Variants in PRRX2 observed in about 807,000 individuals in gnomAD.
The protein encoded by PRRX2 is paired mesoderm homeobox protein 2.
A neutral mutation model predicts 18.0 loss-of-function variants in PRRX2; 11 were observed. The observed-to-expected ratio is 0.61, with a 90% confidence interval of 0.39 to 1.01. PRRX2 has a LOEUF of 1.01. Among genes scored for constraint, PRRX2 ranks in the 50% least tolerant of loss-of-function variants. The probability of loss-of-function intolerance (pLI) is 0.01; values close to 1 mark genes in which losing one functional copy is unlikely to be tolerated. For synonymous variants in PRRX2, 177 were observed against 154.8 expected, an observed-to-expected ratio of 1.14 and a Z score of -1.06; for missense variants, 387 against 351.0, an observed-to-expected ratio of 1.10 and a Z score of -0.82.
intron 1 of PRRX2, among the ~76,000 whole-genome samples, chr9:129,673,801 C>A (rs368733213): frequency 2.0e-5 from 3 of 152,194 alleles, no homozygotes; most frequent in African/African-American, 7.2e-5. Context: ...TGCACCTGTG[C>A]GGGCCAAGGG....
rs1461863972 is a variant in PRRX2, at chr9:129,695,431, C to T, written c.260-23800C>T. 6.6e-6 allele frequency among the ~76,000 whole-genome samples: 1 copy of T among 152,200 alleles called. No individual in the cohort carries two copies. Among genetic ancestry groups the T allele is most frequent in the East Asian group, 1.9e-4 (1 of 5,192 alleles). On this transcript the variant is annotated intron_variant, in intron 1 of 3. Transcript: ENST00000372469. The surrounding 1 kb of genome is among the most constrained non-coding windows in gnomAD (Gnocchi z 4.8). ...GAAGAATCAGCTTCCCTCCAAATTCCCGGTCTCTTGCTCTGGGCTTTACTT... is the reference window on the plus strand; with the variant it reads ...GAAGAATCAGCTTCCCTCCAAATTCTCGGTCTCTTGCTCTGGGCTTTACTT...
chr9:129,667,599 G>T (rs1365868446), intron 1 of PRRX2, among the ~76,000 whole-genome samples: 1 of 152,018 alleles, frequency 6.6e-6, no homozygotes, highest in South Asian at 2.1e-4. Context: ...AAGGAAGGGA[G>T]AGGAGAGAGG....
chr9:129,680,140 G>A (rs546878012), intron 1 of PRRX2, among the ~76,000 whole-genome samples: 1 of 152,240 alleles, frequency 6.6e-6, no homozygotes, highest in African/African-American at 2.4e-5. Context: ...GGTGGCTCAT[G>A]CCTGTAATCT....
At chr9:129,668,247 G>T (rs1331042532) in intron 1 of PRRX2, among the ~76,000 whole-genome samples, 1 of 152,210 alleles carries the variant, frequency 6.6e-6, no homozygotes, top group African/African-American at 2.4e-5. Flanking sequence ...AGTCCTGAAG[G>T]CTCCAAAGGT....
Position 129,694,654 on chromosome 9 carries a change from A to G in PRRX2, c.260-24577A>G, listed in dbSNP as rs574374552. Among the ~76,000 whole-genome samples, 3 of 152,274 alleles carry G rather than the reference A, an allele frequency of 2.0e-5. No homozygotes were observed. In the East Asian group the frequency reaches 5.8e-4, roughly 29 times the overall value. On this transcript the variant is annotated intron_variant, in intron 1 of 3. Coordinates refer to ENST00000372469, the MANE Select transcript of PRRX2 (RefSeq NM_016307.4). ...TGGATGAGTCCCAGTTCTTCCACCA[A>G]CTGGCTGTGTGGCCTTAGAGAAGTC...
At chr9:129,719,129 G>T (rs935383203) in intron 1 of PRRX2, 102 bp from the exon 2 acceptor site, 34 of 1,139,684 alleles carry the variant, frequency 3.0e-5, no homozygotes, top group Non-Finnish European at 3.8e-5. Context: ...ATTCCTGGCG[G>T]CGGCACTAAA....
intron 1 of PRRX2, among the ~76,000 whole-genome samples, chr9:129,688,339 A>G (rs1325049419): frequency 6.6e-6 from 1 of 152,114 alleles, no homozygotes; most frequent in East Asian, 1.9e-4. Flanking sequence ...TGCTGGGATT[A>G]TAGGTGTGAG....
At position 129,722,255 on chromosome 9, in the gene PRRX2, C is replaced by T; in HGVS notation, c.665C>T (p.Ala222Val). The change falls in exon 4 of 4, where the codon GCA (alanine) becomes GTA (valine). Residue 222 changes from alanine (A) to valine (V), a missense_variant. By Grantham distance (64) the Ala-to-Val change is moderately conservative. Transcript: ENST00000372469. ...TACAGCCCTGGGAGCTCAGGCCCCG[C>T]AACCCCAGGGGTCAACATGGCCAAC... ...PPYSPGSSGP[A>V]TPGVNMANSI... The T allele has an allele frequency of 1.2e-6, 2 of 1,614,020 alleles. No homozygotes were observed. The highest frequency in any genetic ancestry group is 2.2e-5 in the South Asian group (2 of 91,080).
Position 129,709,320 on chromosome 9 carries a change from A to G in PRRX2, c.260-9911A>G, listed in dbSNP as rs1588173307. ...GGGTGAGGCTCCCGACCCCAGAGAG[A>G]CCCAGATACACCGCAACTGCCTCCA... On this transcript the variant is annotated intron_variant, in intron 1 of 3. Coordinates refer to ENST00000372469, the MANE Select transcript of PRRX2 (RefSeq NM_016307.4). This position sits in a 1 kb window ranked among gnomAD's most constrained non-coding sequence, Gnocchi z 4.2. 6.6e-6 allele frequency among the ~76,000 whole-genome samples: 1 copy of G among 152,004 alleles called. No individual in the cohort carries two copies.
chr9:129,696,921 A>T (rs1196426926), intron 1 of PRRX2, among the ~76,000 whole-genome samples: 2 of 152,166 alleles, frequency 1.3e-5, no homozygotes, highest in Non-Finnish European at 2.9e-5. Flanking sequence ...CTGGGGCCAG[A>T]GTCCGATAGA....
intron 1 of PRRX2, among the ~76,000 whole-genome samples, chr9:129,703,490 G>A (rs779983718): frequency 1.4e-4 from 21 of 152,166 alleles, no homozygotes; most frequent in Non-Finnish European, 2.5e-4. Context: ...TTTGGGGACA[G>A]AGTCTGGACA....
intron 1 of PRRX2, among the ~76,000 whole-genome samples, chr9:129,678,793 G>C (rs1227371087): frequency 6.6e-6 from 1 of 152,132 alleles, no homozygotes; most frequent in African/African-American, 2.4e-5. Context: ...GGCCCTCTCT[G>C]GGGGCGCTCT....
At chr9:129,680,468 AC>A (rs1222389125) in intron 1 of PRRX2, among the ~76,000 whole-genome samples, 4 of 90,616 alleles carry the variant, frequency 4.4e-5, no homozygotes, top group Non-Finnish European at 6.2e-5. Context: ...TCTCTCTCCC[AC>A]CCCCCCCACC....
At chr9:129,699,346 C>T (rs375148319) in intron 1 of PRRX2, among the ~76,000 whole-genome samples, 4 of 152,230 alleles carry the variant, frequency 2.6e-5, no homozygotes, top group African/African-American at 9.6e-5. Context: ...AACACTTAAA[C>T]CCAGGAGGTG....
At chr9:129,721,597 T>A (rs548213151) in intron 3 of PRRX2, among the ~76,000 whole-genome samples, 17 of 151,828 alleles carry the variant, frequency 1.1e-4, no homozygotes, top group Non-Finnish European at 2.4e-4. Flanking sequence ...TATTTATTTT[T>A]GAGACAGAGT....
intron 1 of PRRX2, among the ~76,000 whole-genome samples, chr9:129,699,782 C>T (rs116907352): frequency 0.011 from 1,728 of 152,266 alleles, 21 homozygotes; most frequent in Non-Finnish European, 0.016. Flanking sequence ...TCCTTGGGCA[C>T]CTTCAGGGCA....
intron 1 of PRRX2, among the ~76,000 whole-genome samples, chr9:129,670,569 C>T (rs567645628): frequency 6.6e-6 from 1 of 152,118 alleles, no homozygotes; most frequent in Admixed American, 6.5e-5. Flanking sequence ...GAGACAGGGT[C>T]TTGCCTTGTT....
intron 1 of PRRX2, among the ~76,000 whole-genome samples, chr9:129,668,115 G>A (rs2119045823): frequency 6.6e-6 from 1 of 152,342 alleles, no homozygotes; most frequent in Middle Eastern, 3.4e-3. Flanking sequence ...CGCCCGGGGT[G>A]TGGCCCGGAT....
chr9:129,699,438 T>A (rs1325023699), intron 1 of PRRX2, among the ~76,000 whole-genome samples: 1 of 144,590 alleles, frequency 6.9e-6, no homozygotes, highest in African/African-American at 2.6e-5. Flanking sequence ...AAAATATATA[T>A]ATGTGTGTGT....
Sources: gnomAD v4.1 joint callset for allele counts (sites outside exome capture counted in the v4.1 genomes callset) on GRCh38, gnomAD v4.1.1 for gene constraint, Gnocchi (gnomAD v3.1) non-coding constraint, MANE v1.5 for transcripts, NCBI Gene and HGNC (gene_info 2026-07-23, HGNC 2026-07-21) for gene names.